Variants in ROBO1 observed in about 807,000 individuals in gnomAD.
The protein encoded by ROBO1 is roundabout homolog 1.
In ROBO1, 149 loss-of-function variants were observed where a neutral mutation model predicts 195.9. That is an observed-to-expected ratio of 0.76 (90% CI 0.67 to 0.87). ROBO1 has a LOEUF of 0.87. Ranked by LOEUF, ROBO1 falls within the 40% of genes least tolerant of loss-of-function variation. The probability of loss-of-function intolerance (pLI) is 0.00; values close to 1 mark genes in which losing one functional copy is unlikely to be tolerated. For missense variants in ROBO1, 1,933 were observed against 2,068.3 expected, an observed-to-expected ratio of 0.93 and a Z score of 1.27; for synonymous variants, 816 against 733.2, an observed-to-expected ratio of 1.11 and a Z score of -1.82.
At chr3:79,230,528 A>G (rs1300665207) in intron 2 of ROBO1, among the ~76,000 whole-genome samples, 2 of 145,922 alleles carry the variant, frequency 1.4e-5, no homozygotes, top group Admixed American at 1.4e-4. Context: ...AGCAAAGACT[A>G]AAAAAAAAAT....
intron 3 of ROBO1, among the ~76,000 whole-genome samples, chr3:79,034,805 G>C (rs1237747982): frequency 4.6e-5 from 7 of 152,072 alleles, no homozygotes; most frequent in African/African-American, 7.2e-5. Context: ...AAGGTGTCCT[G>C]TGTGTTATTG....
rs77723359 is a variant in ROBO1, at chr3:79,265,720, A to G, written c.89-140181T>C. ...TCTCATAAACTGAAGAAACCAATAT[A>G]TAATAGAAGTTTGTGTACTATAGAT... On this transcript the variant is annotated intron_variant, in intron 2 of 30. Coordinates refer to ENST00000464233, the MANE Select transcript of ROBO1 (RefSeq NM_002941.4). Among the ~76,000 whole-genome samples the G allele has an allele frequency of 1.4e-3, 219 of 151,676 alleles. 1 individual carries two copies. The highest frequency in any genetic ancestry group is 5.0e-3 in the African/African-American group (208 of 41,510).
At chr3:78,676,136 T>G (rs1231226172) in intron 10 of ROBO1, among the ~76,000 whole-genome samples, 1 of 152,064 alleles carries the variant, frequency 6.6e-6, no homozygotes, top group Non-Finnish European at 1.5e-5. Flanking sequence ...GAAGGAAAAC[T>G]AACAAACAGA....
intron 2 of ROBO1, among the ~76,000 whole-genome samples, chr3:79,260,982 A>G (rs556063313): frequency 6.6e-6 from 1 of 152,214 alleles, no homozygotes; most frequent in African/African-American, 2.4e-5. Context: ...ACAGAAAGCA[A>G]GCTCTATTCA....
rs537618146 is a variant in ROBO1, at chr3:78,893,681, T to C, written c.499+44920A>G. Among the ~76,000 whole-genome samples, 4 of 152,292 alleles carry C rather than the reference T, an allele frequency of 2.6e-5. No individual in the cohort carries two copies. In the East Asian group the frequency reaches 7.7e-4, roughly 29 times the overall value. On this transcript the variant is annotated intron_variant, in intron 4 of 30. Transcript: ENST00000464233. ...AACGTCTAAGTTAAAACAATGCACT[T>C]GTATTACACTTTGTGAATAAACTTC...
intron 1 of ROBO1, among the ~76,000 whole-genome samples, chr3:79,692,418 G>T (rs1276557585): frequency 1.3e-5 from 2 of 151,856 alleles, no homozygotes; most frequent in African/African-American, 2.4e-5. Flanking sequence ...ATACTTACAT[G>T]CATATCCAAG....
intron 2 of ROBO1, among the ~76,000 whole-genome samples, chr3:79,146,143 T>C (rs1391163311): frequency 1.3e-5 from 2 of 151,904 alleles, no homozygotes; most frequent in Non-Finnish European, 2.9e-5. Flanking sequence ...CCAATAAAAG[T>C]GTCTGCTTTA....
intron 28 of ROBO1, among the ~76,000 whole-genome samples, chr3:78,610,107 GACT>G (rs1177075345): frequency 1.3e-5 from 2 of 152,056 alleles, no homozygotes; most frequent in African/African-American, 4.8e-5. Context: ...CATATAAATA[GACT>G]CAACAGTTTA....
chr3:78,964,858 T>A (rs1364703782), intron 3 of ROBO1, among the ~76,000 whole-genome samples: 4 of 151,378 alleles, frequency 2.6e-5, no homozygotes, highest in Non-Finnish European at 5.9e-5. Context: ...TTTTTTTTTT[T>A]ATTTTTGTAG....
intron 2 of ROBO1, among the ~76,000 whole-genome samples, chr3:79,430,489 A>G (rs1036872058): frequency 6.6e-6 from 1 of 152,090 alleles, no homozygotes. Flanking sequence ...TTAGACCCCT[A>G]AGAAATGAAC....
intron 8 of ROBO1, among the ~76,000 whole-genome samples, chr3:78,695,293 A>C (rs2081262467): frequency 6.6e-6 from 1 of 152,164 alleles, no homozygotes; most frequent in Admixed American, 6.5e-5. Flanking sequence ...ACTTTAGGCT[A>C]ATGTATTTGC....
At chr3:79,753,278 G>A (rs1704218254) in intron 1 of ROBO1, among the ~76,000 whole-genome samples, 1 of 148,130 alleles carries the variant, frequency 6.8e-6, no homozygotes, top group African/African-American at 2.5e-5. Context: ...GTGCAAACTG[G>A]ATACTGGGAT....
chr3:79,681,939 A>G (rs371319563), intron 1 of ROBO1, among the ~76,000 whole-genome samples: 6 of 152,136 alleles, frequency 3.9e-5, no homozygotes, highest in African/African-American at 1.4e-4. Flanking sequence ...ATATTATTTC[A>G]TTGTTACTGC....
At chr3:79,677,531 A>T (rs1946821154) in intron 1 of ROBO1, among the ~76,000 whole-genome samples, 1 of 152,076 alleles carries the variant, frequency 6.6e-6, no homozygotes. Flanking sequence ...TATCATGAGA[A>T]CAGCACAGGA....
intron 2 of ROBO1, among the ~76,000 whole-genome samples, chr3:79,562,711 T>G (rs2107715522): frequency 6.6e-6 from 1 of 152,200 alleles, no homozygotes; most frequent in South Asian, 2.1e-4. Flanking sequence ...TTTATCATAT[T>G]ATTTTTCGTT....
At chr3:79,635,183 G>A (rs144540297) in intron 1 of ROBO1, among the ~76,000 whole-genome samples, 23 of 152,180 alleles carry the variant, frequency 1.5e-4, no homozygotes, top group Non-Finnish European at 2.4e-4. Context: ...TTTTACCATC[G>A]CCTTTTCATT....
chr3:78,874,763 C>A (rs181350803), intron 4 of ROBO1, among the ~76,000 whole-genome samples: 2 of 151,836 alleles, frequency 1.3e-5, no homozygotes, highest in Non-Finnish European at 2.9e-5. Context: ...TATAACAGAT[C>A]AAAATCTCAG....
chr3:78,816,790 C>T (rs1020460429), intron 4 of ROBO1, among the ~76,000 whole-genome samples: 1 of 152,080 alleles, frequency 6.6e-6, no homozygotes, highest in Non-Finnish European at 1.5e-5. Context: ...GCTGCACTCT[C>T]ATGAGAAAAC....
chr3:79,625,947 A>T (rs1173493623), intron 1 of ROBO1, among the ~76,000 whole-genome samples: 4 of 152,192 alleles, frequency 2.6e-5, no homozygotes, highest in Non-Finnish European at 5.9e-5. Context: ...ACATCTATAC[A>T]AAGATCCTCA....
Sources: gnomAD v4.1 joint callset for allele counts (sites outside exome capture counted in the v4.1 genomes callset) on GRCh38, gnomAD v4.1.1 for gene constraint, MANE v1.5 for transcripts, NCBI Gene and HGNC (gene_info 2026-07-23, HGNC 2026-07-21) for gene names.